The following ARHGAP36 variants were observed in gnomAD, a reference collection of about 807,000 sequenced individuals.
The protein encoded by ARHGAP36 is rho GTPase-activating protein 36.
ARHGAP36 carries 7 observed loss-of-function variants against 32.9 expected under a neutral mutation model. That is an observed-to-expected ratio of 0.21 (90% CI 0.12 to 0.40). The LOEUF is 0.40. ARHGAP36 is among the 10% of genes least tolerant of loss of function. ARHGAP36 has a pLI of 1.00. For missense variants in ARHGAP36, 383 were observed against 442.2 expected, an observed-to-expected ratio of 0.87 and a Z score of 1.20; for synonymous variants, 165 against 168.3, an observed-to-expected ratio of 0.98 and a Z score of 0.15.
chrX:131,058,426 G>A lies in ARHGAP36; in HGVS notation c.-161G>A. The A allele has an allele frequency of 1.8e-6, 2 of 1,090,763 alleles. No homozygotes were observed. The highest frequency in any genetic ancestry group is 2.4e-6 in the Non-Finnish European group (2 of 832,735). 89.9% of individuals were successfully genotyped at this position (1,090,763 alleles called of 1,213,427 possible). A position where few individuals can be genotyped will look rare whatever the true frequency, so the allele number is the denominator to read the frequency against. ...GGACTGCCTTTTCGCCTCGGCCTTT[G>A]AGCCCCGCCCCCGCCGTGGTGAGTG... On this transcript the variant is annotated 5_prime_UTR_variant, in exon 1 of 12. Transcript: ENST00000276211.
intron 1 of ARHGAP36, among the ~76,000 whole-genome samples, chrX:131,067,969 T>C (rs1427374714): frequency 9.1e-6 from 1 of 110,411 alleles, no homozygotes; most frequent in Non-Finnish European, 1.9e-5. Context: ...CATCCACACA[T>C]TGCACACACA....
chrX:131,083,489 A>AC (rs1910130421), intron 3 of ARHGAP36, among the ~76,000 whole-genome samples: 1 of 111,579 alleles, frequency 9.0e-6, no homozygotes, highest in South Asian at 3.8e-4. Flanking sequence ...CAAGGTAGTC[A>AC]CCCCCAGGGA....
At chrX:131,063,537 G>A (rs989827826) in intron 1 of ARHGAP36, among the ~76,000 whole-genome samples, 1 of 111,451 alleles carries the variant, frequency 9.0e-6, no homozygotes. Context: ...AGGAATCTAG[G>A]GTTAGTGAAG....
At chrX:131,070,445 T>A (rs1202872228) in intron 1 of ARHGAP36, among the ~76,000 whole-genome samples, 2 of 111,981 alleles carry the variant, frequency 1.8e-5, no homozygotes, top group Non-Finnish European at 3.8e-5. Flanking sequence ...TATATTCATA[T>A]GCACAAAGTC....
At chrX:131,074,358 T>TGAGA (rs377299553) in intron 1 of ARHGAP36, among the ~76,000 whole-genome samples, 5 of 41,738 alleles carry the variant, frequency 1.2e-4, no homozygotes, top group Non-Finnish European at 3.5e-4. Context: ...TGTGTGTGTG[T>TGAGA]GAGAGAGAGA....
At position 131,066,006 on chromosome X, in the gene ARHGAP36, T is replaced by G. The variant is rs748292771; in HGVS notation, c.-143+7562T>G. 2.0e-3 allele frequency among the ~76,000 whole-genome samples: 223 copies of G among 111,578 alleles called. 1 individual carries two copies. Among genetic ancestry groups the G allele is most frequent in the African/African-American group, 6.7e-3 (205 of 30,681 alleles). On this transcript the variant is annotated intron_variant, in intron 1 of 11. Transcript: ENST00000276211. ...GGGAGCTAGAGCTTCCAGAGGCCCT[T>G]TAGCTGTGACTGGGATGACATCATG...
At chrX:131,060,632 C>T (rs2079663676) in intron 1 of ARHGAP36, among the ~76,000 whole-genome samples, 1 of 112,251 alleles carries the variant, frequency 8.9e-6, no homozygotes, top group African/African-American at 3.2e-5. Flanking sequence ...GGTGTTTGAA[C>T]TCAAGTGTAA....
chrX:131,082,004 G>T (rs1475175923), intron 2 of ARHGAP36, 86 bp downstream of exon 2: 2 of 1,081,609 alleles, frequency 1.8e-6, no homozygotes, highest in African/African-American at 1.8e-5. Flanking sequence ...GGTCTGGCAG[G>T]GTGGGAGGGG....
At chrX:131,082,029 C>A (rs1212357376) in intron 2 of ARHGAP36, 111 bp downstream of exon 2, 2 of 943,684 alleles carry the variant, frequency 2.1e-6, no homozygotes, top group Non-Finnish European at 2.9e-6. Context: ...CGCCTGATCT[C>A]GGACTTGATC....
intron 1 of ARHGAP36, among the ~76,000 whole-genome samples, chrX:131,063,267 C>T (rs1232608065): frequency 1.8e-5 from 2 of 111,517 alleles, no homozygotes; most frequent in Non-Finnish European, 3.8e-5. Context: ...TGAGAAACCA[C>T]GCGGCTTCCT....
At chrX:131,070,486 C>A (rs1036540327) in intron 1 of ARHGAP36, among the ~76,000 whole-genome samples, 2 of 111,695 alleles carry the variant, frequency 1.8e-5, no homozygotes, top group East Asian at 5.6e-4. Context: ...AGTTCCACAA[C>A]CAAGTCCCCA....
Position 131,088,981 on chromosome X carries a change from G to T in ARHGAP36, c.*196G>T. 3.8e-6 allele frequency: 2 copies of T among 529,837 alleles called. No homozygotes were observed. The highest frequency in any genetic ancestry group is 2.8e-6 in the Non-Finnish European group (1 of 356,547). 43.7% of individuals were successfully genotyped at this position (529,837 alleles called of 1,213,427 possible). A position where few individuals can be genotyped will look rare whatever the true frequency, so the allele number is the denominator to read the frequency against. On this transcript the variant is annotated 3_prime_UTR_variant, in exon 12 of 12. Transcript: ENST00000276211. The stretch of plus-strand genomic sequence containing the variant: ...CTGGGGATGCTTGGTCTCTTCTGCT[G>T]GTAAAAGCAGAGATGTTTCTGTGTC...
chrX:131,081,581 C>A lies in ARHGAP36; in HGVS notation c.-85C>A. On this transcript the variant is annotated 5_prime_UTR_variant, in exon 2 of 12. Coordinates refer to ENST00000276211, the MANE Select transcript of ARHGAP36 (RefSeq NM_144967.4). The stretch of plus-strand genomic sequence containing the variant: ...TGAAGCCGCCTCCCAGTTTTCCCTC[C>A]CCCTCTACCCCCACCCCCATAGTTC... 1 of 1,070,930 alleles carries A rather than the reference C, an allele frequency of 9.3e-7. No homozygotes were observed. The highest frequency in any genetic ancestry group is 1.2e-6 in the Non-Finnish European group (1 of 817,947). 88.3% of individuals were successfully genotyped at this position (1,070,930 alleles called of 1,213,427 possible).
intron 1 of ARHGAP36, among the ~76,000 whole-genome samples, chrX:131,080,803 G>A (rs2079792631): frequency 8.9e-6 from 1 of 112,146 alleles, no homozygotes; most frequent in African/African-American, 3.2e-5. Context: ...GGTAAATAGA[G>A]AAAAGCAACA....
chrX:131,076,544 T>C (rs1259506962), intron 1 of ARHGAP36, among the ~76,000 whole-genome samples: 2 of 112,673 alleles, frequency 1.8e-5, no homozygotes, highest in Admixed American at 1.9e-4. Flanking sequence ...TGCTGTAATA[T>C]GTGGTGGCTG....
chrX:131,088,721 G>A lies in ARHGAP36; in HGVS notation c.1580G>A (p.Arg527His), dbSNP rs747749800. 7.4e-6 allele frequency: 9 copies of A among 1,211,492 alleles called. No individual in the cohort carries two copies. The highest frequency in any genetic ancestry group is 3.0e-5 in the East Asian group (1 of 33,823). Reference sequence around the variant, plus strand: ...AACCCTCCCATTCCGGAGCAAGACCGCCCATTGCTCCGTGTGCCCCGGGAG... The same window carrying A: ...AACCCTCCCATTCCGGAGCAAGACCACCCATTGCTCCGTGTGCCCCGGGAG... ...AGNPPIPEQDRPLLRVPREKE... is the reference protein window; with the variant it reads ...AGNPPIPEQDHPLLRVPREKE... Residue 527 changes from arginine (R) to histidine (H), a missense_variant, in exon 12 of 12, where the codon CGC becomes CAC. Coordinates refer to ENST00000276211, the MANE Select transcript of ARHGAP36 (RefSeq NM_144967.4).
chrX:131,072,947 G>C (rs1250744076), intron 1 of ARHGAP36: 2 of 112,133 alleles, frequency 1.8e-5, no homozygotes, highest in Non-Finnish European at 3.8e-5. Flanking sequence ...ACCCGCTGCC[G>C]CCCGCCGGAC....
Position 131,088,978 on chromosome X carries a change from G to C in ARHGAP36, c.*193G>C, listed in dbSNP as rs1316283256. ...TCACTGGGGATGCTTGGTCTCTTCT[G>C]CTGGTAAAAGCAGAGATGTTTCTGT... On this transcript the variant is annotated 3_prime_UTR_variant, in exon 12 of 12. Coordinates refer to ENST00000276211, the MANE Select transcript of ARHGAP36 (RefSeq NM_144967.4). 3.7e-6 allele frequency: 2 copies of C among 541,111 alleles called. No individual in the cohort carries two copies. The highest frequency in any genetic ancestry group is 4.8e-5 in the African/African-American group (2 of 42,070). 44.6% of individuals were successfully genotyped at this position (541,111 alleles called of 1,213,427 possible). A position where few individuals can be genotyped will look rare whatever the true frequency, so the allele number is the denominator to read the frequency against.
At chrX:131,076,864 C>T (rs1300766180) in intron 1 of ARHGAP36, among the ~76,000 whole-genome samples, 4 of 111,809 alleles carry the variant, frequency 3.6e-5, no homozygotes, top group Non-Finnish European at 7.5e-5. Context: ...TATAATGTTT[C>T]TGAAACTTTC....
Sources: gnomAD v4.1 joint callset for allele counts (sites outside exome capture counted in the v4.1 genomes callset) on GRCh38, gnomAD v4.1.1 for gene constraint, MANE v1.5 for transcripts, NCBI Gene and HGNC (gene_info 2026-07-23, HGNC 2026-07-21) for gene names.